The following TBXAS1 variants were observed in gnomAD, a reference collection of about 807,000 sequenced individuals.
TBXAS1 encodes the protein thromboxane-A synthase.
Under a neutral mutation model 60.7 loss-of-function variants are expected in TBXAS1, and 48 were observed. The observed-to-expected ratio is 0.79, with a 90% CI of 0.63 to 1.01. The LOEUF (loss-of-function observed/expected upper bound fraction) is 1.01, where lower values mean the gene tolerates loss of function less well. Ranked by LOEUF, TBXAS1 falls within the 50% of genes least tolerant of loss-of-function variation. TBXAS1 has a pLI of 0.00. For synonymous variants in TBXAS1, 287 were observed against 269.7 expected (o/e 1.06, Z -0.63); for missense variants, 685 against 686.3 (o/e 1.00, Z 0.02).
intron 3 of TBXAS1, among the ~76,000 whole-genome samples, chr7:139,880,085 T>G (rs1031093166): frequency 4.6e-5 from 7 of 152,164 alleles, no homozygotes; most frequent in African/African-American, 1.7e-4. Flanking sequence ...GGCTTCAACA[T>G]GTCGGCCAGG....
At position 139,963,289 on chromosome 7, in the gene TBXAS1, G is replaced by A. The variant is rs564106777; in HGVS notation, c.1134+1056G>A. Among the ~76,000 whole-genome samples, 66 of 152,284 alleles carry A rather than the reference G, an allele frequency of 4.3e-4. 1 individual carries two copies. Among genetic ancestry groups the A allele is most frequent in the Non-Finnish European group, 7.5e-4 (51 of 68,024 alleles). ...CACAATTGATTTATTGAGCCTAGAC[G>A]GAAGAGTTTATATTTATCCTTATTA... On this transcript the variant is annotated intron_variant, in intron 9 of 12. Transcript: ENST00000448866.
intron 3 of TBXAS1, among the ~76,000 whole-genome samples, chr7:139,892,772 C>A (rs1418959057): frequency 6.6e-6 from 1 of 152,172 alleles, no homozygotes; most frequent in Admixed American, 6.5e-5. Flanking sequence ...GTTCTTGTAG[C>A]CAGCCTGCAT....
intron 3 of TBXAS1, among the ~76,000 whole-genome samples, chr7:139,909,362 C>T (rs1026151122): frequency 3.9e-5 from 6 of 152,184 alleles, no homozygotes; most frequent in Admixed American, 1.3e-4. Flanking sequence ...TAAGTGTCCA[C>T]AGCTTTCATT....
intron 9 of TBXAS1, among the ~76,000 whole-genome samples, chr7:140,003,201 A>G (rs1038660465): frequency 2.6e-5 from 4 of 151,070 alleles, no homozygotes; most frequent in Admixed American, 6.6e-5. Context: ...TGGTCTTTAC[A>G]TACGTATCTT....
At chr7:139,983,936 A>G (rs1421447868) in intron 9 of TBXAS1, among the ~76,000 whole-genome samples, 1 of 152,198 alleles carries the variant, frequency 6.6e-6, no homozygotes, top group African/African-American at 2.4e-5. Flanking sequence ...CAGTGGAGAA[A>G]GTCTCCTCCA....
chr7:139,893,315 C>T (rs1032579943), intron 3 of TBXAS1, among the ~76,000 whole-genome samples: 1 of 134,894 alleles, frequency 7.4e-6, no homozygotes, highest in Admixed American at 8.0e-5. Flanking sequence ...TGCACATATT[C>T]TATGGAATAG....
intron 4 of TBXAS1, among the ~76,000 whole-genome samples, chr7:139,804,976 A>C (rs1797811383): frequency 6.6e-6 from 1 of 152,268 alleles, no homozygotes; most frequent in Non-Finnish European, 1.5e-5. Context: ...GCATTCCCCC[A>C]AAAGTAATGT....
intron 4 of TBXAS1, among the ~76,000 whole-genome samples, chr7:139,798,503 G>T (rs976640809): frequency 6.6e-6 from 1 of 152,210 alleles, no homozygotes; most frequent in Non-Finnish European, 1.5e-5. Flanking sequence ...ATGCAAGTCA[G>T]CTGGGCTAAC....
chr7:140,001,196 A>G (rs917288019), intron 9 of TBXAS1, among the ~76,000 whole-genome samples: 1 of 152,170 alleles, frequency 6.6e-6, no homozygotes, highest in African/African-American at 2.4e-5. Flanking sequence ...ATTCTCAGTA[A>G]TTTGGCCTTT....
intron 3 of TBXAS1, among the ~76,000 whole-genome samples, chr7:139,889,446 A>G (rs959558043): frequency 3.3e-5 from 5 of 152,258 alleles, no homozygotes; most frequent in African/African-American, 9.6e-5. Flanking sequence ...TGATTCCACC[A>G]TAATTAAGAG....
chr7:139,981,040 A>G (rs1297840477), intron 9 of TBXAS1, among the ~76,000 whole-genome samples: 1 of 152,172 alleles, frequency 6.6e-6, no homozygotes, highest in African/African-American at 2.4e-5. Flanking sequence ...AACAACAAAA[A>G]ACTAAGCAAA....
intron 3 of TBXAS1, among the ~76,000 whole-genome samples, chr7:139,783,818 A>G (rs1797078855): frequency 6.6e-6 from 1 of 152,160 alleles, no homozygotes; most frequent in Non-Finnish European, 1.5e-5. Flanking sequence ...GGCAGAGGGC[A>G]GTTAGGACTG....
At chr7:139,933,065 T>A (rs1163630332) in intron 4 of TBXAS1, among the ~76,000 whole-genome samples, 1 of 151,918 alleles carries the variant, frequency 6.6e-6, no homozygotes, top group Admixed American at 6.6e-5. Flanking sequence ...TCAAAAAAAA[T>A]AAATAAAATG....
At chr7:139,971,380 C>A (rs1458284569) in intron 9 of TBXAS1, among the ~76,000 whole-genome samples, 2 of 152,116 alleles carry the variant, frequency 1.3e-5, no homozygotes, top group African/African-American at 2.4e-5. Context: ...GACTTCTGTG[C>A]CCCATCAGTG....
intron 9 of TBXAS1, among the ~76,000 whole-genome samples, chr7:139,987,030 C>T (rs1812542540): frequency 6.6e-6 from 1 of 152,052 alleles, no homozygotes; most frequent in Admixed American, 6.6e-5. Context: ...AAGCAATTGG[C>T]CTGGGCAGTG....
chr7:139,779,032 T>G (rs977956466), intron 1 of TBXAS1, among the ~76,000 whole-genome samples: 2 of 152,210 alleles, frequency 1.3e-5, no homozygotes, highest in African/African-American at 4.8e-5. Flanking sequence ...TCCATTGCCC[T>G]TAGTAAGGGC....
chr7:139,983,716 C>T (rs982476335), intron 9 of TBXAS1, among the ~76,000 whole-genome samples: 13 of 152,160 alleles, frequency 8.5e-5, no homozygotes, highest in Non-Finnish European at 1.3e-4. Context: ...CTCCAGGAGC[C>T]GCCCACTCCG....
chr7:139,875,808 C>T (rs1049325104), intron 3 of TBXAS1, 171 bp downstream of exon 3: 4 of 871,636 alleles, frequency 4.6e-6, no homozygotes, highest in Non-Finnish European at 7.2e-6. Context: ...ACAGACAAGG[C>T]TTCTAGAGAA....
At chr7:139,917,094 A>G (rs1214328698) in intron 4 of TBXAS1, among the ~76,000 whole-genome samples, 2 of 152,226 alleles carry the variant, frequency 1.3e-5, no homozygotes, top group Non-Finnish European at 2.9e-5. Context: ...GCTTCAGTCA[A>G]ACCTTGCCAA....
Sources: allele counts gnomAD v4.1 joint callset (sites outside exome capture counted in the v4.1 genomes callset), GRCh38; gene constraint gnomAD v4.1.1; transcripts MANE v1.5; gene names NCBI Gene and HGNC (gene_info 2026-07-23, HGNC 2026-07-21).